Variants in LRRC49 observed in about 807,000 individuals in gnomAD.
LRRC49 encodes leucine-rich repeat-containing protein 49.
Under a neutral mutation model 83.3 loss-of-function variants are expected in LRRC49, and 50 were observed. The ratio of observed to expected loss-of-function variants is 0.60; its 90% CI spans 0.48 to 0.76. The LOEUF is 0.76. Ranked by LOEUF, LRRC49 falls within the 30% of genes least tolerant of loss-of-function variation. LRRC49 has a pLI of 0.00. For synonymous variants in LRRC49, 286 were observed against 283.3 expected (o/e 1.01, Z -0.10); for missense variants, 704 against 809.1 (o/e 0.87, Z 1.58).
In LRRC49 at chr15:70,932,749, A is replaced by C. The variant is rs549004546; in HGVS notation, c.712-4012A>C. ...GTCTTTTTTTTTTTTTTTTTTTTTG[A>C]GATGGAGTCTTGCTCTGTTGTCCAG... On this transcript the variant is annotated intron_variant, in intron 7 of 15. Transcript: ENST00000260382. Among the ~76,000 whole-genome samples the C allele has an allele frequency of 3.1e-5, 2 of 63,760 alleles. 1 individual carries two copies. The highest frequency in any genetic ancestry group is 5.7e-5 in the Non-Finnish European group (2 of 35,392). 41.8% of individuals were successfully genotyped at this position (63,760 alleles called of 152,430 possible). A position where few individuals can be genotyped will look rare whatever the true frequency, so the allele number is the denominator to read the frequency against.
intron 11 of LRRC49, 66 bp from the exon 12 acceptor site, chr15:71,008,313 G>A: frequency 1.2e-6 from 1 of 860,386 alleles, no homozygotes; most frequent in Non-Finnish European, 1.9e-6. Flanking sequence ...TTTTCTGACA[G>A]GTCATTATAC....
At chr15:70,887,681 A>T (rs2033446766), upstream of LRRC49, among the ~76,000 whole-genome samples, 1 of 152,226 alleles carries the variant, frequency 6.6e-6, no homozygotes, top group African/African-American at 2.4e-5. Flanking sequence ...CTCTGAAATT[A>T]GGAATGAGAA....
At chr15:70,957,733 T>C (rs1276950827) in intron 8 of LRRC49, among the ~76,000 whole-genome samples, 3 of 152,164 alleles carry the variant, frequency 2.0e-5, no homozygotes. Context: ...TCACATTAGT[T>C]AATACCTTAA....
At chr15:70,985,651 A>G (rs987139811) in intron 11 of LRRC49, among the ~76,000 whole-genome samples, 1 of 152,024 alleles carries the variant, frequency 6.6e-6, no homozygotes, top group African/African-American at 2.4e-5. Flanking sequence ...CCATTTGTCA[A>G]TTTTGGCTTT....
intron 7 of LRRC49, among the ~76,000 whole-genome samples, chr15:70,920,830 A>G (rs1335652855): frequency 3.3e-5 from 5 of 152,208 alleles, no homozygotes; most frequent in Non-Finnish European, 7.4e-5. Context: ...CAAATTTACT[A>G]TATCCATATA....
chr15:70,902,863 T>C (rs1403091301), intron 4 of LRRC49, among the ~76,000 whole-genome samples: 1 of 152,180 alleles, frequency 6.6e-6, no homozygotes, highest in Admixed American at 6.5e-5. Context: ...GAAACTCCCC[T>C]TGAGGGCAGT....
chr15:71,006,931 G>C (rs1171088962), intron 11 of LRRC49, among the ~76,000 whole-genome samples: 1 of 152,000 alleles, frequency 6.6e-6, no homozygotes, highest in Non-Finnish European at 1.5e-5. Context: ...TAATTGTTAA[G>C]TTAGTTTTTC....
intron 11 of LRRC49, among the ~76,000 whole-genome samples, chr15:70,987,663 C>T (rs1407324351): frequency 6.6e-6 from 1 of 152,022 alleles, no homozygotes; most frequent in East Asian, 1.9e-4. Context: ...TTAGTTATTT[C>T]TTGCCTTCTA....
intron 14 of LRRC49, among the ~76,000 whole-genome samples, chr15:71,027,881 C>T (rs1225029811): frequency 3.9e-5 from 6 of 152,166 alleles, no homozygotes; most frequent in Non-Finnish European, 5.9e-5. Flanking sequence ...ACAGTCATGT[C>T]GTCTGCAAAC....
chr15:70,913,172 G>A (rs1444137472), intron 6 of LRRC49, among the ~76,000 whole-genome samples: 4 of 152,164 alleles, frequency 2.6e-5, no homozygotes, highest in African/African-American at 4.8e-5. Flanking sequence ...GGATGATCGG[G>A]GAATCCCTGC....
chr15:70,900,405 A>G (rs191740325), intron 3 of LRRC49: 64 of 453,660 alleles, frequency 1.4e-4, no homozygotes, highest in Non-Finnish European at 2.2e-4. Context: ...CTGCTATCCA[A>G]AACTACTTTT....
rs1440704521 is a variant in LRRC49, at chr15:70,854,026, G to A, written c.-299+557G>A. ...CGTCCACGTCCTCGGCCTCCTGGAT[G>A]GCGACGCGGATCTGCACCGCCGTCT... On this transcript the variant is annotated intron_variant, in intron 1 of 16. Transcript: ENST00000544974. The A allele has an allele frequency of 2.1e-6, 3 of 1,454,418 alleles. No individual in the cohort carries two copies. The African/African-American group carries it at 4.4e-5, about 21-fold the overall frequency. 90.1% of individuals were successfully genotyped at this position (1,454,418 alleles called of 1,614,324 possible).
chr15:70,865,998 ACT>A (rs1384356250), intron 1 of LRRC49, among the ~76,000 whole-genome samples: 2 of 152,050 alleles, frequency 1.3e-5, no homozygotes, highest in Non-Finnish European at 2.9e-5. Context: ...CATATTTTTG[ACT>A]CTGTTTAACA....
intron 1 of LRRC49, chr15:70,859,973 G>T: frequency 1.3e-6 from 1 of 760,124 alleles, no homozygotes; most frequent in Non-Finnish European, 2.4e-6. Flanking sequence ...CGGCTATGCA[G>T]GTGGTCTGAG....
chr15:70,853,958 C>T, intron 1 of LRRC49: 1 of 1,455,050 alleles, frequency 6.9e-7, no homozygotes, highest in South Asian at 1.3e-5. Context: ...GGCCGGGTCC[C>T]CGGCGCCCCG....
At chr15:70,998,112 T>C (rs1375174079) in intron 11 of LRRC49, among the ~76,000 whole-genome samples, 1 of 152,200 alleles carries the variant, frequency 6.6e-6, no homozygotes, top group East Asian at 1.9e-4. Context: ...CCCTTTTCTG[T>C]TACTATTTTC....
At chr15:70,865,731 T>C (rs1348373945) in intron 1 of LRRC49, among the ~76,000 whole-genome samples, 1 of 152,342 alleles carries the variant, frequency 6.6e-6, no homozygotes, top group East Asian at 1.9e-4. Context: ...AAGTATAACC[T>C]ACCTGTCTGG....
intron 14 of LRRC49, among the ~76,000 whole-genome samples, chr15:71,020,982 T>C (rs998767551): frequency 2.6e-5 from 4 of 152,066 alleles, no homozygotes; most frequent in African/African-American, 9.7e-5. Context: ...TGGGCCACAT[T>C]GGAAGAAGAA....
intron 1 of LRRC49, among the ~76,000 whole-genome samples, chr15:70,864,474 G>A (rs942422895): frequency 2.6e-5 from 4 of 152,096 alleles, no homozygotes; most frequent in African/African-American, 7.2e-5. Flanking sequence ...AAGGCCTAGA[G>A]CATTCTGGCT....
Sources: gnomAD v4.1 joint callset for allele counts (sites outside exome capture counted in the v4.1 genomes callset) on GRCh38, gnomAD v4.1.1 for gene constraint, MANE v1.5 for transcripts, NCBI Gene and HGNC (gene_info 2026-07-23, HGNC 2026-07-21) for gene names.